CAPZB: variants seen among roughly 807,000 people sequenced by gnomAD.
The protein encoded by CAPZB is capping actin protein of muscle Z-line subunit beta.
CAPZB carries 2 observed loss-of-function variants against 38.1 expected under a neutral mutation model. That is an observed-to-expected ratio of 0.05 (90% confidence interval 0.02 to 0.17). The LOEUF is 0.17. CAPZB is among the 10% of genes least tolerant of loss of function. The pLI, the probability that CAPZB is intolerant of heterozygous loss-of-function variation, is 1.00. For missense variants in CAPZB, 161 were observed against 334.2 expected, an observed-to-expected ratio of 0.48 and a Z score of 4.04; for synonymous variants, 107 against 127.4, an observed-to-expected ratio of 0.84 and a Z score of 1.08.
At chr1:19,426,571 CT>C (rs749417550) in intron 1 of CAPZB, among the ~76,000 whole-genome samples, 6 of 152,166 alleles carry the variant, frequency 3.9e-5, no homozygotes, top group Non-Finnish European at 8.8e-5. Context: ...TTCTCCCTGC[CT>C]GCTAAACACA....
intron 2 of CAPZB, among the ~76,000 whole-genome samples, chr1:19,407,079 C>A (rs2094335955): frequency 6.6e-6 from 1 of 152,166 alleles, no homozygotes. Flanking sequence ...AGACTAACAG[C>A]CTAGAAACAC....
At chr1:19,440,819 GGGAGGCCGA>G (rs2094473544) in intron 1 of CAPZB, among the ~76,000 whole-genome samples, 1 of 152,214 alleles carries the variant, frequency 6.6e-6, no homozygotes, top group Admixed American at 6.5e-5. Flanking sequence ...CCAGCACTTT[GGGAGGCCGA>G]GGAGGGCAGA....
intron 8 of CAPZB, among the ~76,000 whole-genome samples, chr1:19,343,292 C>T (rs1264991538): frequency 6.6e-6 from 1 of 152,222 alleles, no homozygotes; most frequent in African/African-American, 2.4e-5. Flanking sequence ...AAAGAGGACT[C>T]CTCCTCTGTT....
chr1:19,344,211 A>T, intron 8 of CAPZB, 147 bp downstream of exon 8: 3 of 662,574 alleles, frequency 4.5e-6, no homozygotes, highest in Non-Finnish European at 8.2e-6. Context: ...TACTTTCCAA[A>T]ATCAACATAA....
At chr1:19,396,821 C>T (rs1266802358) in intron 2 of CAPZB, among the ~76,000 whole-genome samples, 2 of 150,392 alleles carry the variant, frequency 1.3e-5, no homozygotes, top group South Asian at 4.2e-4. Context: ...GGCACTGTGG[C>T]GAGCACCTGT....
intron 8 of CAPZB, among the ~76,000 whole-genome samples, chr1:19,341,133 A>T (rs1019044728): frequency 1.3e-5 from 2 of 152,228 alleles, no homozygotes; most frequent in African/African-American, 4.8e-5. Context: ...GCTGCATACA[A>T]CTGAAAAAAC....
At chr1:19,449,227 G>T (rs1047779047) in intron 1 of CAPZB, 3 of 1,126,254 alleles carry the variant, frequency 2.7e-6, no homozygotes, top group African/African-American at 3.1e-5. Flanking sequence ...CCGGAACCAG[G>T]ACAACAGGAA....
intron 1 of CAPZB, among the ~76,000 whole-genome samples, chr1:19,480,410 G>C (rs1211707589): frequency 6.6e-6 from 1 of 152,206 alleles, no homozygotes; most frequent in Non-Finnish European, 1.5e-5. Flanking sequence ...CACATGCTGA[G>C]TGGCAGACAG....
At chr1:19,392,234 G>A (rs2094240241) in intron 2 of CAPZB, among the ~76,000 whole-genome samples, 1 of 151,610 alleles carries the variant, frequency 6.6e-6, no homozygotes, top group South Asian at 2.1e-4. Flanking sequence ...TGCAGGAGAC[G>A]ACAGAAGGGG....
chr1:19,365,070 C>A (rs2094076010), intron 4 of CAPZB, among the ~76,000 whole-genome samples: 1 of 152,160 alleles, frequency 6.6e-6, no homozygotes, highest in African/African-American at 2.4e-5. Context: ...TCTTGAACTC[C>A]TGGGCTCAAG....
At chr1:19,424,226 C>T (rs1289243961) in intron 1 of CAPZB, among the ~76,000 whole-genome samples, 3 of 151,866 alleles carry the variant, frequency 2.0e-5, no homozygotes, top group East Asian at 3.9e-4. Context: ...AGTAGAAGAG[C>T]AGTTCTAGGG....
intron 4 of CAPZB, among the ~76,000 whole-genome samples, chr1:19,359,317 CT>C (rs1462739061): frequency 6.9e-6 from 1 of 144,866 alleles, no homozygotes; most frequent in Non-Finnish European, 1.5e-5. Flanking sequence ...TGTAATGTAA[CT>C]AAGAGACCAC....
At chr1:19,390,033 C>T (rs1449717409) in intron 2 of CAPZB, among the ~76,000 whole-genome samples, 1 of 152,234 alleles carries the variant, frequency 6.6e-6, no homozygotes, top group South Asian at 2.1e-4. Context: ...CCCGCTGCAG[C>T]AGGGATCAGT....
rs117422024 is a variant in CAPZB at position 19,397,263 on chromosome 1, G to T, written c.94-11637C>A. ...TTACTGAACTATCAAAGTTATGATT[G>T]GAATAACAGCAAAGATGTTTAGGTC... On this transcript the variant is annotated intron_variant, in intron 2 of 8. Transcript: ENST00000264202. 4.0e-3 allele frequency among the ~76,000 whole-genome samples: 605 copies of T among 152,312 alleles called. 3 individuals carry two copies. The highest frequency in any genetic ancestry group is 0.022 in the South Asian group (108 of 4,824).
intron 1 of CAPZB, among the ~76,000 whole-genome samples, chr1:19,466,234 C>T (rs1466885837): frequency 1.3e-5 from 2 of 152,216 alleles, no homozygotes; most frequent in Non-Finnish European, 2.9e-5. Context: ...GGGTCTTTCA[C>T]TCCCACACTG....
intron 2 of CAPZB, among the ~76,000 whole-genome samples, chr1:19,404,828 AC>A (rs2094322873): frequency 1.3e-5 from 2 of 152,138 alleles, no homozygotes; most frequent in African/African-American, 4.8e-5. Flanking sequence ...GATGATTTGC[AC>A]CAAGTATTTT....
At position 19,408,897 on chromosome 1, in the gene CAPZB, T is replaced by C. The variant is rs182288436; in HGVS notation, c.93+10764A>G. 2.3e-3 allele frequency among the ~76,000 whole-genome samples: 346 copies of C among 152,328 alleles called. 7 individuals carry two copies. Among genetic ancestry groups the C allele is most frequent in the Admixed American group, 0.019 (296 of 15,294 alleles). ...TCCCTCCTATTGAAGCAGCAGGAAG[T>C]TTCCTGAAGCAGTTCTCTATTTGCA... is the stretch of plus-strand genomic sequence containing the variant. On this transcript the variant is annotated intron_variant, in intron 2 of 8. Coordinates refer to ENST00000264202, the MANE Select transcript of CAPZB (RefSeq NM_004930.5).
chr1:19,398,367 C>T (rs1255246486), intron 2 of CAPZB, among the ~76,000 whole-genome samples: 1 of 152,182 alleles, frequency 6.6e-6, no homozygotes, highest in Non-Finnish European at 1.5e-5. Flanking sequence ...AGCACGGAGC[C>T]ACTGAGTCAG....
intron 4 of CAPZB, among the ~76,000 whole-genome samples, chr1:19,372,423 G>A (rs559419689): frequency 1.6e-4 from 25 of 152,344 alleles, no homozygotes; most frequent in African/African-American, 5.3e-4. Flanking sequence ...GGCAGAACCC[G>A]GGGCCGACAC....
Sources: allele counts gnomAD v4.1 joint callset (sites outside exome capture counted in the v4.1 genomes callset), GRCh38; gene constraint gnomAD v4.1.1; transcripts MANE v1.5; gene names NCBI Gene and HGNC (gene_info 2026-07-23, HGNC 2026-07-21).